The following PLXNA2 variants were observed in gnomAD, a reference collection of about 807,000 sequenced individuals.
PLXNA2 encodes plexin A2, also known as plexin-A2.
A neutral mutation model predicts 193.5 loss-of-function variants in PLXNA2; 91 were observed. The ratio of observed to expected loss-of-function variants is 0.47; its 90% CI spans 0.40 to 0.56. The LOEUF is 0.56. Among genes scored for constraint, PLXNA2 ranks in the 20% least tolerant of loss-of-function variants. The pLI, the probability that PLXNA2 is intolerant of heterozygous loss-of-function variation, is 0.00. For synonymous variants in PLXNA2, 997 were observed against 1,027.3 expected, an observed-to-expected ratio of 0.97 and a Z score of 0.56; for missense variants, 1,995 against 2,503.2, an observed-to-expected ratio of 0.80 and a Z score of 4.33.
intron 7 of PLXNA2, 88 bp from the exon 8 acceptor site, chr1:208,096,213 G>T: frequency 1.1e-6 from 1 of 947,036 alleles, no homozygotes; most frequent in Non-Finnish European, 1.7e-6. Flanking sequence ...AAGTCATGAA[G>T]CCACCACAGG....
chr1:208,120,477 G>A (rs1452652614), intron 4 of PLXNA2, among the ~76,000 whole-genome samples: 2 of 152,158 alleles, frequency 1.3e-5, no homozygotes, highest in Admixed American at 6.5e-5. Flanking sequence ...TCCTCTGGCT[G>A]CTACTACAGG....
intron 1 of PLXNA2, among the ~76,000 whole-genome samples, chr1:208,228,758 T>C (rs1268835859): frequency 1.3e-5 from 2 of 152,148 alleles, no homozygotes; most frequent in Non-Finnish European, 2.9e-5. Context: ...GGTTGGTCTG[T>C]TGAGTCCCCA....
intron 8 of PLXNA2, 67 bp downstream of exon 8, chr1:208,095,962 A>T: frequency 8.2e-7 from 1 of 1,223,816 alleles, no homozygotes; most frequent in Non-Finnish European, 1.2e-6. Flanking sequence ...GGAGCTTAGC[A>T]TCGAGGGGAA....
In PLXNA2 at chr1:208,084,425, G is replaced by T. The variant is rs760622974; in HGVS notation, c.2253C>A (p.Pro751=). ...LNIQGAIHRV[P]ALRFNSSSVQ... is the part of the protein sequence containing the mutation. Reference sequence around the variant, plus strand: ...CGCTGGAGCTGTTGAAGCGCAGAGCGGGGACCCGGTGGATGGCTCCTTGTA... The same window carrying T: ...CGCTGGAGCTGTTGAAGCGCAGAGCTGGGACCCGGTGGATGGCTCCTTGTA... Residue 751 remains proline (P), a synonymous_variant, in exon 10 of 32, where the codon CCC becomes CCA. Coordinates refer to ENST00000367033, the MANE Select transcript of PLXNA2 (RefSeq NM_025179.4). 2 of 1,614,146 alleles carry T rather than the reference G, an allele frequency of 1.2e-6. No homozygotes were observed. The highest frequency in any genetic ancestry group is 1.7e-6 in the Non-Finnish European group (2 of 1,180,044).
At position 208,026,969 on chromosome 1, in the gene PLXNA2, C is replaced by G. The variant is rs1047974498; in HGVS notation, c.*274G>C. The G allele has an allele frequency of 2.8e-6, 1 of 361,442 alleles. No homozygotes were observed. The highest frequency in any genetic ancestry group is 2.1e-5 in the African/African-American group (1 of 48,774). 22.4% of individuals were successfully genotyped at this position (361,442 alleles called of 1,614,324 possible). On this transcript the variant is annotated 3_prime_UTR_variant, in exon 32 of 32. Transcript: ENST00000367033. ...CACAGAGGCAGAACTGTCCCCAGCT[C>G]GTGCCTCTCGGCTTGAAGAACCACC...
chr1:208,055,831 T>A (rs1665413333), intron 13 of PLXNA2, among the ~76,000 whole-genome samples: 1 of 152,206 alleles, frequency 6.6e-6, no homozygotes, highest in Non-Finnish European at 1.5e-5. Context: ...TAACAGTTAA[T>A]CCCAAATAAC....
rs369107488 is a variant in PLXNA2 at position 208,098,963 on chromosome 1, G to A, written c.1614C>T (p.Ser538=). ...CGWCALHNMC[S]RRDKCQQAWE... is the part of the protein sequence containing the mutation. ...AGGCCTGTTGGCATTTGTCCCTGCG[G>A]GAGCACCTGCCATAAACACAGATTC... is the stretch of plus-strand genomic sequence containing the variant. Residue 538 remains serine, a synonymous_variant, in exon 6 of 32, where the codon TCC becomes TCT. Transcript: ENST00000367033. 4 of 1,611,986 alleles carry A rather than the reference G, an allele frequency of 2.5e-6. No individual in the cohort carries two copies. The highest frequency in any genetic ancestry group is 1.7e-5 in the Admixed American group (1 of 59,852).
At position 208,054,443 on chromosome 1, in the gene PLXNA2, G is replaced by A; in HGVS notation, c.2834C>T (p.Ser945Phe). ...GECKPEFMTK[S>F]HQQYTFVNPS... ...CACCACGAAGGTGTACTGCTGATGG[G>A]ACTTCGTCATGAACTCTGGCTTACA... The change falls in exon 14 of 32, where the codon TCC becomes TTC. Residue 945 changes from serine (S) to phenylalanine (F), a missense_variant. Ser to Phe is a radical substitution (Grantham distance 155). This residue lies in a region of PLXNA2 where 1,291 missense variants were observed against 1,673.6 expected (regional missense o/e 0.77). Transcript: ENST00000367033. 6.2e-7 allele frequency: 1 copy of A among 1,613,958 alleles called. No homozygotes were observed.
intron 12 of PLXNA2, 83 bp from the exon 13 acceptor site, chr1:208,060,920 T>TTC: frequency 7.9e-7 from 1 of 1,270,736 alleles, no homozygotes; most frequent in Non-Finnish European, 1.1e-6. Flanking sequence ...CCCAGGGAGG[T>TTC]TTAAGAACCT....
Position 208,046,021 on chromosome 1 carries a change from C to A in PLXNA2, c.3352G>T (p.Glu1118Ter). The A allele has an allele frequency of 6.2e-7, 1 of 1,614,274 alleles. No individual in the cohort carries two copies. Among genetic ancestry groups the A allele is most frequent in the South Asian group, 1.1e-5 (1 of 91,088 alleles). ...ACATTGTTAAAGACAAATCCAAACT[C>A]ATCTGGGCGTTCCACAGTGTCCAGG... The part of the protein sequence containing the change: ...PGLDTVERPD[E>*]FGFVFNNVQS... The change falls in exon 18 of 32, where the codon GAG becomes TAG. Residue 1118 changes from glutamate to a stop codon, truncating the protein, a stop_gained. Transcript: ENST00000367033. LOFTEE classifies it high-confidence loss of function.
chr1:208,102,585 G>A (rs1431707216), intron 5 of PLXNA2, among the ~76,000 whole-genome samples: 3 of 152,218 alleles, frequency 2.0e-5, no homozygotes, highest in Non-Finnish European at 4.4e-5. Flanking sequence ...TCTGATTTGT[G>A]TAGCCTTTTC....
chr1:208,114,451 G>A (rs1207976301), intron 4 of PLXNA2, among the ~76,000 whole-genome samples: 2 of 152,208 alleles, frequency 1.3e-5, no homozygotes, highest in Admixed American at 6.5e-5. Context: ...CAGGTCAACA[G>A]CTATGTACAC....
intron 4 of PLXNA2, among the ~76,000 whole-genome samples, chr1:208,129,828 C>T (rs1214473483): frequency 6.6e-6 from 1 of 152,206 alleles, no homozygotes; most frequent in South Asian, 2.1e-4. Context: ...GCTGTGAGCA[C>T]AGTTGGTCCT....
chr1:208,097,909 G>A (rs924142613), intron 6 of PLXNA2, among the ~76,000 whole-genome samples: 1 of 151,886 alleles, frequency 6.6e-6, no homozygotes. Flanking sequence ...TCACTATGTT[G>A]CCCAGGCTAG....
In PLXNA2 at chr1:208,079,263, G is replaced by A. The variant is rs17011880; in HGVS notation, c.2583C>T (p.Thr861=). 2,185 of 1,601,642 alleles carry A rather than the reference G, an allele frequency of 1.4e-3. 11 individuals are homozygous for A. The African/African-American group carries it at 0.02, about 15-fold the overall frequency. The change falls in exon 12 of 32, where the codon ACC becomes ACT. Residue 861 remains threonine, a synonymous_variant. Coordinates refer to ENST00000367033, the MANE Select transcript of PLXNA2 (RefSeq NM_025179.4). ...HNVKCSNPQI[T]EILTVSGPPE... is the part of the protein sequence containing the mutation. The stretch of plus-strand genomic sequence containing the variant: ...TCTAGAGACTTGCAGGACTTACCTC[G>A]GTGATTTGAGGGTTGGAGCACTTGA...
intron 9 of PLXNA2, 112 bp downstream of exon 9, chr1:208,092,674 C>A: frequency 3.1e-6 from 2 of 652,544 alleles, no homozygotes; most frequent in East Asian, 2.8e-5. Context: ...GCAAGACGGC[C>A]AAGATGGGCC....
chr1:208,040,067 G>A lies in PLXNA2; in HGVS notation c.4287-9C>T, dbSNP rs756621475. 7 of 1,613,028 alleles carry A rather than the reference G, an allele frequency of 4.3e-6. No individual in the cohort carries two copies. Among genetic ancestry groups the A allele is most frequent in the South Asian group, 1.1e-5 (1 of 91,044 alleles). On this transcript the variant is annotated splice_polypyrimidine_tract_variant and intron_variant, in intron 22 of 31. Transcript: ENST00000367033. ...CAGCCACAGACTCTGTCCTGGGGAA[G>A]GGACAAAGGGTAAGGGGCAGTCCTT...
rs540240639 is a variant in PLXNA2, at chr1:208,098,508, T to A, written c.1731+338A>T. On this transcript the variant is annotated intron_variant, in intron 6 of 31. Transcript: ENST00000367033. The stretch of plus-strand genomic sequence containing the variant: ...CACACACACATGCAACTCACAGATT[T>A]CTTTAAGAGTGCAGTGAGTGGAGAA... Among the ~76,000 whole-genome samples, 334 of 148,612 alleles carry A rather than the reference T, an allele frequency of 2.2e-3. 2 individuals are homozygous for A. The highest frequency in any genetic ancestry group is 7.9e-3 in the African/African-American group (322 of 40,614).
At chr1:208,043,284 G>A in intron 20 of PLXNA2, 81 bp from the exon 21 acceptor site, 6 of 1,397,260 alleles carry the variant, frequency 4.3e-6, no homozygotes, top group Non-Finnish European at 5.0e-6. Flanking sequence ...GTTTGCAAAG[G>A]ACGAGGGGAG....
Sources: allele counts gnomAD v4.1 joint callset (sites outside exome capture counted in the v4.1 genomes callset), GRCh38; gene constraint gnomAD v4.1.1; regional missense constraint gnomAD v4.1.1; transcripts MANE v1.5; gene names NCBI Gene and HGNC (gene_info 2026-07-23, HGNC 2026-07-21).